Variants in FGD1 observed in about 807,000 individuals in gnomAD.
FGD1 encodes FYVE, RhoGEF and PH domain-containing protein 1.
FGD1 carries 12 observed loss-of-function variants against 65.0 expected under a neutral mutation model. The observed-to-expected ratio is 0.18, with a 90% CI of 0.12 to 0.30. The LOEUF is 0.30. FGD1 is among the 10% of genes least tolerant of loss of function. FGD1 has a pLI of 1.00. For synonymous variants in FGD1, 333 were observed against 343.9 expected, an observed-to-expected ratio of 0.97 and a Z score of 0.35; for missense variants, 542 against 837.6, an observed-to-expected ratio of 0.65 and a Z score of 4.36.
At chrX:54,456,418 A>C (rs774976336) in intron 9 of FGD1, 52 bp from the exon 10 acceptor site, 1 of 1,210,023 alleles carries the variant, frequency 8.3e-7, no homozygotes, top group Non-Finnish European at 1.1e-6. Flanking sequence ...GCCTCCTGTC[A>C]GATGCCCACA....
At chrX:54,466,458 G>A (rs1306861661) in intron 6 of FGD1, among the ~76,000 whole-genome samples, 1 of 111,744 alleles carries the variant, frequency 8.9e-6, no homozygotes, top group African/African-American at 3.3e-5. Context: ...TTTTAAGCAG[G>A]GAGAGACATG....
intron 6 of FGD1, among the ~76,000 whole-genome samples, 157 bp downstream of exon 6, chrX:54,467,627 A>T (rs1922795756): frequency 9.0e-6 from 1 of 111,483 alleles, no homozygotes; most frequent in South Asian, 3.7e-4. Context: ...AAGTGCTGGG[A>T]TTACAGGTGT....
rs1330468491 is a variant in FGD1 at position 54,445,532 on chromosome X, A to G, written c.*577T>C. On this transcript the variant is annotated 3_prime_UTR_variant, in exon 18 of 18. Coordinates refer to ENST00000375135, the MANE Select transcript of FGD1 (RefSeq NM_004463.3). ...AAAAAACACAAAAAACTGAGTATCC[A>G]TTGTCCTCCCCCCTGTTTCCCTGTC... 9.1e-6 allele frequency: 1 copy of G among 109,588 alleles called. No individual in the cohort carries two copies. 9.0% of individuals were successfully genotyped at this position (109,588 alleles called of 1,213,427 possible). A position where few individuals can be genotyped will look rare whatever the true frequency, so the allele number is the denominator to read the frequency against.
In FGD1 at chrX:54,473,983, A is replaced by AT. The variant is rs201796364; in HGVS notation, c.308-2497_308-2496insA. ...TGGGCGACAGAGACTCCATCTCAAA[A>AT]AAAAAATATATATATATATACAGGA... On this transcript the variant is annotated intron_variant, in intron 1 of 17. Coordinates refer to ENST00000375135, the MANE Select transcript of FGD1 (RefSeq NM_004463.3). Among the ~76,000 whole-genome samples, 669 of 99,619 alleles carry AT rather than the reference A, an allele frequency of 6.7e-3. 6 individuals are homozygous for AT. Among genetic ancestry groups the AT allele is most frequent in the East Asian group, 0.039 (109 of 2,779 alleles). 86.5% of individuals were successfully genotyped at this position (99,619 alleles called of 115,157 possible). A position where few individuals can be genotyped will look rare whatever the true frequency, so the allele number is the denominator to read the frequency against.
At chrX:54,464,569 G>A (rs913773115) in intron 8 of FGD1, among the ~76,000 whole-genome samples, 6 of 111,600 alleles carry the variant, frequency 5.4e-5, no homozygotes, top group Non-Finnish European at 1.1e-4. Context: ...AAACATGGAG[G>A]TGCTCAGTAA....
intron 1 of FGD1, among the ~76,000 whole-genome samples, chrX:54,478,100 A>G (rs1601958056): frequency 8.9e-6 from 1 of 111,921 alleles, no homozygotes; most frequent in East Asian, 2.8e-4. Context: ...CCTGGGCGAC[A>G]GAGTGATACC....
At position 54,465,855 on chromosome X, in the gene FGD1, G is replaced by A. The variant is rs765176796; in HGVS notation, c.1341-3C>T. On this transcript the variant is annotated splice_polypyrimidine_tract_variant and splice_region_variant and intron_variant, in intron 6 of 17. Coordinates refer to ENST00000375135, the MANE Select transcript of FGD1 (RefSeq NM_004463.3). ...CTCCAATGCGTGGATAGCGGTCCCT[G>A]GGGTGGAATTAGGGGCTGATGTGGT... 8.3e-7 allele frequency: 1 copy of A among 1,211,348 alleles called. No individual in the cohort carries two copies. The highest frequency in any genetic ancestry group is 1.1e-6 in the Non-Finnish European group (1 of 895,248).
chrX:54,474,538 G>C (rs1350162557), intron 1 of FGD1, among the ~76,000 whole-genome samples: 1 of 112,737 alleles, frequency 8.9e-6, no homozygotes, highest in Non-Finnish European at 1.9e-5. Flanking sequence ...CTTGCTTTGG[G>C]TGTCGTTCCT....
intron 6 of FGD1, among the ~76,000 whole-genome samples, chrX:54,467,379 A>G (rs1274399290): frequency 5.7e-5 from 6 of 104,686 alleles, no homozygotes; most frequent in African/African-American, 2.1e-4. Context: ...TTTTTAAGAC[A>G]GAGTCTAGCT....
In FGD1 at chrX:54,445,512, A is replaced by C. The variant is rs1247044360; in HGVS notation, c.*597T>G. 4 of 109,834 alleles carry C rather than the reference A, an allele frequency of 3.6e-5. No individual in the cohort carries two copies. Among genetic ancestry groups the C allele is most frequent in the African/African-American group, 1.0e-4 (3 of 29,795 alleles). 9.1% of individuals were successfully genotyped at this position (109,834 alleles called of 1,213,427 possible). A position where few individuals can be genotyped will look rare whatever the true frequency, so the allele number is the denominator to read the frequency against. On this transcript the variant is annotated 3_prime_UTR_variant, in exon 18 of 18. Coordinates refer to ENST00000375135, the MANE Select transcript of FGD1 (RefSeq NM_004463.3). ...TAAAAAAAAAAAAACACACAAAAAA[A>C]CACAAAAAACTGAGTATCCATTGTC...
chrX:54,467,530 GT>G (rs1408153579), intron 6 of FGD1, among the ~76,000 whole-genome samples: 52 of 110,525 alleles, frequency 4.7e-4, no homozygotes, highest in African/African-American at 1.6e-3. Context: ...AATTTTTAAT[GT>G]TTTTAGTAGA....
intron 1 of FGD1, among the ~76,000 whole-genome samples, chrX:54,493,387 G>A (rs190011914): frequency 4.2e-4 from 47 of 112,086 alleles, no homozygotes; most frequent in Middle Eastern, 4.7e-3. Flanking sequence ...AGGAAGATAG[G>A]CAATAAACGA....
chrX:54,463,258 GC>G (rs1922679959), intron 8 of FGD1, among the ~76,000 whole-genome samples: 1 of 111,466 alleles, frequency 9.0e-6, no homozygotes, highest in East Asian at 2.8e-4. Flanking sequence ...CTGACTAGCA[GC>G]TCACTTTGAA....
chrX:54,470,168 G>A lies in FGD1; in HGVS notation c.949C>T (p.Leu317=). The A allele has an allele frequency of 1.7e-6, 2 of 1,210,345 alleles. No individual in the cohort carries two copies. Among genetic ancestry groups the A allele is most frequent in the Non-Finnish European group, 2.2e-6 (2 of 894,697 alleles). ...SHSLCPGPPA[L]ASVPVALADP... is the part of the protein sequence containing the mutation. Reference sequence around the variant, plus strand: ...GCCAAGGCAACAGGCACACTAGCCAGGGCAGGGGGCCCAGGGCAGAGGCTG... The same window carrying A: ...GCCAAGGCAACAGGCACACTAGCCAAGGCAGGGGGCCCAGGGCAGAGGCTG... Residue 317 remains leucine, a synonymous_variant, in exon 4 of 18, where the codon CTG becomes TTG. Transcript: ENST00000375135.
intron 8 of FGD1, among the ~76,000 whole-genome samples, chrX:54,462,719 AC>A (rs1422200575): frequency 2.0e-5 from 2 of 100,242 alleles, no homozygotes; most frequent in Non-Finnish European, 4.0e-5. Flanking sequence ...GGCTTTTAGG[AC>A]CCCACACTTT....
In FGD1 at chrX:54,471,355, C is replaced by T. The variant is rs200707592; in HGVS notation, c.440G>A (p.Arg147His). ...PGPPTETPSQ[R>H]PSPLKRAPGP... ...CGGTGCCCGCTTCAGTGGTGAAGGA[C>T]GCTGGCTAGGGGTTTCAGTCGGGGG... is the stretch of plus-strand genomic sequence containing the variant. The change falls in exon 2 of 18, where the codon CGT (arginine) becomes CAT (histidine). Residue 147 changes from arginine (R) to histidine (H), a missense_variant. Transcript: ENST00000375135. 1.5e-4 allele frequency: 178 copies of T among 1,209,753 alleles called. 2 individuals carry two copies. Among genetic ancestry groups the T allele is most frequent in the Admixed American group, 4.4e-4 (20 of 45,860 alleles).
intron 8 of FGD1, among the ~76,000 whole-genome samples, chrX:54,460,901 C>A (rs891390730): frequency 8.9e-5 from 10 of 112,267 alleles, no homozygotes; most frequent in Non-Finnish European, 1.3e-4. Context: ...AGGCATTGTG[C>A]TAGGAGCTTT....
At chrX:54,457,631 A>G (rs66528675) in intron 8 of FGD1, among the ~76,000 whole-genome samples, 5,716 of 111,447 alleles carry the variant, frequency 0.051, 139 homozygotes, top group South Asian at 0.1. Context: ...AAGGATACAA[A>G]CATGTTTATA....
At chrX:54,479,724 G>GA (rs1294047770) in intron 1 of FGD1, among the ~76,000 whole-genome samples, 2 of 99,861 alleles carry the variant, frequency 2.0e-5, no homozygotes, top group Non-Finnish European at 2.0e-5. Flanking sequence ...CAGCAGAAAG[G>GA]AAAGTGCCTT....
Sources: gnomAD v4.1 joint callset for allele counts (sites outside exome capture counted in the v4.1 genomes callset) on GRCh38, gnomAD v4.1.1 for gene constraint, MANE v1.5 for transcripts, NCBI Gene and HGNC (gene_info 2026-07-23, HGNC 2026-07-21) for gene names.